BRCA1: variants seen among roughly 807,000 people sequenced by gnomAD.
BRCA1 encodes the protein breast cancer type 1 susceptibility protein.
In BRCA1, 140 loss-of-function variants were observed where a neutral mutation model predicts 173.7. The ratio of observed to expected loss-of-function variants is 0.81; its 90% confidence interval spans 0.70 to 0.93. The LOEUF is 0.93. BRCA1 is among the 40% of genes least tolerant of loss of function. The probability of loss-of-function intolerance (pLI) is 0.00; values close to 1 mark genes in which losing one functional copy is unlikely to be tolerated. For missense variants in BRCA1, 1,983 were observed against 2,172.5 expected, an observed-to-expected ratio of 0.91 and a Z score of 1.73; for synonymous variants, 662 against 756.0, an observed-to-expected ratio of 0.88 and a Z score of 2.04.
chr17:43,044,874 G>A lies in BRCA1; in HGVS notation c.*804C>T, dbSNP rs1398968503. 4.2e-6 allele frequency: 2 copies of A among 471,634 alleles called. No homozygotes were observed. Among genetic ancestry groups the A allele is most frequent in the South Asian group, 1.6e-5 (1 of 62,330 alleles). 29.2% of individuals were successfully genotyped at this position (471,634 alleles called of 1,614,324 possible). On this transcript the variant is annotated 3_prime_UTR_variant, in exon 23 of 23. Transcript: ENST00000357654. Reference sequence around the variant, plus strand: ...GCTGGAGTGCCGTGGTATGATCTTGGCTCACTGCAACCTCCACCTCCCGGG... The same window carrying A: ...GCTGGAGTGCCGTGGTATGATCTTGACTCACTGCAACCTCCACCTCCCGGG...
rs377475866 is a variant in BRCA1 at position 43,093,013 on chromosome 17, T to C, written c.2518A>G (p.Ser840Gly). Residue 840 changes from serine to glycine, a missense_variant, in exon 10 of 23, where the codon AGT becomes GGT. Ser to Gly is a moderately conservative substitution (Grantham distance 56). Transcript: ENST00000357654. ...KYPLGHEVNHSRETSIEMEES... is the reference protein window; with the variant it reads ...KYPLGHEVNHGRETSIEMEES... ...TCCATTTCTATGCTTGTTTCCCGAC[T>C]GTGGTTAACTTCATGTCCCAATGGA... is the stretch of plus-strand genomic sequence containing the variant. The C allele has an allele frequency of 5.0e-6, 8 of 1,613,818 alleles. No individual in the cohort carries two copies. The African/African-American group carries it at 1.1e-4, about 22-fold the overall frequency.
At chr17:43,147,479 G>A (rs906457005) in intron 1 of BRCA1, among the ~76,000 whole-genome samples, 7 of 151,708 alleles carry the variant, frequency 4.6e-5, no homozygotes, top group Non-Finnish European at 8.8e-5. Flanking sequence ...GTGAGCCACC[G>A]TGCCCGGCAG....
intron 13 of BRCA1, among the ~76,000 whole-genome samples, 179 bp downstream of exon 13, chr17:43,076,309 G>A (rs2052708143): frequency 6.6e-6 from 1 of 151,888 alleles, no homozygotes; most frequent in Non-Finnish European, 1.5e-5. Flanking sequence ...TGTAGCTTAT[G>A]TTATAGGTTC....
chr17:43,134,694 C>G (rs1236870344), intron 1 of BRCA1, among the ~76,000 whole-genome samples: 2 of 152,184 alleles, frequency 1.3e-5, no homozygotes, highest in East Asian at 1.9e-4. Context: ...ATGAACTGCA[C>G]TAAACACACT....
rs80083136 is a variant in BRCA1, at chr17:43,098,525, A to ATT, written c.548-1238_548-1237dup. ...AAGCATGTGCTACCACACCCAGCTA[A>ATT]TTTTTTTTTTTTTTTGTATTTTTAG... On this transcript the variant is annotated intron_variant, in intron 7 of 22. Transcript: ENST00000357654. Among the ~76,000 whole-genome samples, 5 of 136,860 alleles carry ATT rather than the reference A, an allele frequency of 3.7e-5. No homozygotes were observed. The Admixed American group carries it at 3.7e-4, about 10-fold the overall frequency. The allele number at this position is 136,860 out of a possible 152,430, so 89.8% of individuals were successfully genotyped here.
chr17:43,045,914 A>G (rs2152642244), intron 22 of BRCA1, 112 bp from the exon 23 acceptor site: 1 of 1,331,044 alleles, frequency 7.5e-7, no homozygotes. Flanking sequence ...TTAATGAGGT[A>G]GAAGCTAATT....
At chr17:43,104,077 A>G (rs751293910) in intron 6 of BRCA1, 45 bp downstream of exon 6, 11 of 706,596 alleles carry the variant, frequency 1.6e-5, no homozygotes, top group Non-Finnish European at 1.7e-5. Context: ...AAAGAAAAAA[A>G]AAAGAAAAGA....
Position 43,057,090 on chromosome 17 carries a change from G to A in BRCA1, c.5239C>T (p.Gln1747Ter), listed in dbSNP as rs80357367. 1 of 1,614,054 alleles carries A rather than the reference G, an allele frequency of 6.2e-7. No homozygotes were observed. The highest frequency in any genetic ancestry group is 8.5e-7 in the Non-Finnish European group (1 of 1,179,970). Residue 1747 changes from glutamine to a stop codon, truncating the protein, a stop_gained, in exon 19 of 23, where the codon CAA becomes TAA. Coordinates refer to ENST00000357654, the MANE Select transcript of BRCA1 (RefSeq NM_007294.4). LOFTEE classifies it high-confidence loss of function. ...RGDVVNGRNH[Q>*]GPKRARESQD... is the part of the protein sequence containing the mutation. ...GATTCTCTTGCTCGCTTTGGACCTT[G>A]GTGGTTTCTTCCATTGACCACATCT...
chr17:43,131,449 A>G (rs1567827226), intron 1 of BRCA1, among the ~76,000 whole-genome samples: 1 of 152,190 alleles, frequency 6.6e-6, no homozygotes, highest in Non-Finnish European at 1.5e-5. Flanking sequence ...AGAAGATTCC[A>G]TTGAAATCTT....
intron 11 of BRCA1, 109 bp downstream of exon 11, chr17:43,090,835 C>G (rs2154247414): frequency 2.0e-6 from 2 of 1,024,442 alleles, no homozygotes; most frequent in Non-Finnish European, 3.0e-6. Flanking sequence ...AACAATTGTG[C>G]CATTAATTCA....
chr17:43,124,230 A>G lies in BRCA1; in HGVS notation c.-19-115T>C, dbSNP rs3765640. 229,668 of 672,880 alleles carry G rather than the reference A, an allele frequency of 0.34. 40,431 individuals carry two copies. Among genetic ancestry groups the G allele is most frequent in the South Asian group, 0.5 (25,289 of 50,344 alleles). 41.7% of individuals were successfully genotyped at this position (672,880 alleles called of 1,614,324 possible). A position where few individuals can be genotyped will look rare whatever the true frequency, so the allele number is the denominator to read the frequency against. ...TTTAAGATTTGGAAGGTTTTAGAAT[A>G]ATACAAACCAAAGAACTAATGACAA... is the stretch of plus-strand genomic sequence containing the variant. On this transcript the variant is annotated intron_variant, in intron 1 of 22. Coordinates refer to ENST00000357654, the MANE Select transcript of BRCA1 (RefSeq NM_007294.4).
intron 1 of BRCA1, among the ~76,000 whole-genome samples, chr17:43,137,851 T>C (rs531354441): frequency 6.6e-6 from 1 of 151,978 alleles, no homozygotes; most frequent in South Asian, 2.1e-4. Flanking sequence ...CACTCCAGCC[T>C]GGGTGACAGA....
rs55815649 is a variant in BRCA1 at position 43,074,406 on chromosome 17, C to T, written c.4600G>A (p.Val1534Met). The T allele has an allele frequency of 3.3e-4, 531 of 1,614,162 alleles. 1 individual carries two copies. In the African/African-American group the frequency reaches 4.7e-3, roughly 14 times the overall value. ...GACTCTTCCAGCTGTTGCTCCTCCA[C>T]ATCAACAACCTTAATGAGCTCCTCT... is the stretch of plus-strand genomic sequence containing the variant. ...SQEELIKVVD[V>M]EEQQLEESGP... Residue 1534 changes from valine to methionine, a missense_variant, in exon 14 of 23, where the codon GTG becomes ATG. Val to Met is a conservative substitution (Grantham distance 21). Coordinates refer to ENST00000357654, the MANE Select transcript of BRCA1 (RefSeq NM_007294.4).
At chr17:43,103,459 T>TC (rs1401715095) in intron 6 of BRCA1, among the ~76,000 whole-genome samples, 2 of 147,002 alleles carry the variant, frequency 1.4e-5, no homozygotes, top group Admixed American at 1.4e-4. Context: ...AGAGCGAGAC[T>TC]CTGTCTCAAA....
intron 7 of BRCA1, among the ~76,000 whole-genome samples, chr17:43,099,156 T>C (rs1597886630): frequency 6.6e-6 from 1 of 151,894 alleles, no homozygotes; most frequent in African/African-American, 2.4e-5. Flanking sequence ...CCTCATCTAG[T>C]ACAATTTATC....
At chr17:43,060,000 G>T (rs1293308812) in intron 18 of BRCA1, among the ~76,000 whole-genome samples, 1 of 152,092 alleles carries the variant, frequency 6.6e-6, no homozygotes, top group African/African-American at 2.4e-5. Flanking sequence ...CCGCCTCCTG[G>T]GTTCAAGCGA....
At chr17:43,086,864 G>A (rs1441684800) in intron 11 of BRCA1, among the ~76,000 whole-genome samples, 1 of 152,220 alleles carries the variant, frequency 6.6e-6, no homozygotes, top group Non-Finnish European at 1.5e-5. Flanking sequence ...AAGAAGTGGA[G>A]AATACTGGTG....
intron 6 of BRCA1, among the ~76,000 whole-genome samples, chr17:43,101,341 C>T (rs2054466203): frequency 6.6e-6 from 1 of 151,434 alleles, no homozygotes; most frequent in South Asian, 2.1e-4. Context: ...GGACTACATG[C>T]GCACGCCACC....
At chr17:43,169,928 G>A in intron 1 of BRCA1, 2 of 455,432 alleles carry the variant, frequency 4.4e-6, no homozygotes, top group South Asian at 3.4e-5. Context: ...CGTTGGCCAG[G>A]ACCTTTGCAA....
Sources: gnomAD v4.1 joint callset for allele counts (sites outside exome capture counted in the v4.1 genomes callset) on GRCh38, gnomAD v4.1.1 for gene constraint, MANE v1.5 for transcripts, NCBI Gene and HGNC (gene_info 2026-07-23, HGNC 2026-07-21) for gene names.